PAPSS2: variants seen among roughly 807,000 people sequenced by gnomAD.
PAPSS2 encodes the protein bifunctional 3'-phosphoadenosine 5'-phosphosulfate synthase 2.
In PAPSS2, 61 loss-of-function variants were observed where a neutral mutation model predicts 66.5. The observed-to-expected ratio is 0.92, with a 90% CI of 0.75 to 1.14. The LOEUF (loss-of-function observed/expected upper bound fraction) is 1.14. PAPSS2 is among the 50% of genes most tolerant of loss of function. PAPSS2 has a pLI of 0.00. For missense variants in PAPSS2, 708 were observed against 789.6 expected (o/e 0.90, Z 1.24); for synonymous variants, 289 against 287.5 (o/e 1.01, Z -0.05).
rs145304776 is a variant in PAPSS2 at position 87,683,934 on chromosome 10, A to T, written c.27+23926A>T. Among the ~76,000 whole-genome samples, 61 of 152,120 alleles carry T rather than the reference A, an allele frequency of 4.0e-4. 1 individual carries two copies. Among genetic ancestry groups the T allele is most frequent in the African/African-American group, 1.3e-3 (55 of 41,414 alleles). On this transcript the variant is annotated intron_variant, in intron 1 of 12. Transcript: ENST00000456849. ...GGTCTTGAACTCCTGGCTTCAAGCG[A>T]TCCTCCCACCTTGGCCTCCCAAAAT... is the stretch of plus-strand genomic sequence containing the variant.
At chr10:87,705,747 T>C (rs969105124) in intron 1 of PAPSS2, among the ~76,000 whole-genome samples, 17 of 151,852 alleles carry the variant, frequency 1.1e-4, no homozygotes, top group Non-Finnish European at 2.4e-4. Flanking sequence ...CTTATTTTTT[T>C]TTTTGAGATG....
At chr10:87,718,991 T>C (rs1425997876) in intron 7 of PAPSS2, among the ~76,000 whole-genome samples, 1 of 152,188 alleles carries the variant, frequency 6.6e-6, no homozygotes, top group Non-Finnish European at 1.5e-5. Flanking sequence ...TTCTTTTCCC[T>C]GTGGGAATTA....
intron 1 of PAPSS2, among the ~76,000 whole-genome samples, chr10:87,688,443 T>TTTTATTTTATTTTTTTTATTTA (rs541821509): frequency 2.9e-5 from 4 of 138,080 alleles, no homozygotes; most frequent in African/African-American, 8.5e-5. Context: ...TTCTTTTTTA[T>TTTTATTTTATTTTTTTTATTTA]TTTATTTATT....
intron 9 of PAPSS2, among the ~76,000 whole-genome samples, chr10:87,738,443 C>T (rs1853827986): frequency 6.6e-6 from 1 of 151,224 alleles, no homozygotes; most frequent in African/African-American, 2.4e-5. Context: ...GTGTGTGTCT[C>T]TGTCACCCAG....
At position 87,721,749 on chromosome 10, in the gene PAPSS2, T is replaced by C; in HGVS notation, c.866-7T>C. ...AATGTTTCTTAATTGTGTTTATATT[T>C]CCCTAGGCATGGCCCTTCCTGGTAT... On this transcript the variant is annotated splice_polypyrimidine_tract_variant and splice_region_variant and intron_variant, in intron 7 of 12. Coordinates refer to ENST00000456849, the MANE Select transcript of PAPSS2 (RefSeq NM_001015880.2). 6.5e-7 allele frequency: 1 copy of C among 1,530,558 alleles called. No individual in the cohort carries two copies. The highest frequency in any genetic ancestry group is 8.9e-7 in the Non-Finnish European group (1 of 1,128,624). 94.8% of individuals were successfully genotyped at this position (1,530,558 alleles called of 1,614,324 possible).
chr10:87,737,921 G>C (rs574329034), intron 9 of PAPSS2, among the ~76,000 whole-genome samples: 1 of 152,160 alleles, frequency 6.6e-6, no homozygotes, highest in African/African-American at 2.4e-5. Context: ...CTATGAATTC[G>C]ACTAGAATTC....
chr10:87,660,701 G>A (rs7078594), intron 1 of PAPSS2, among the ~76,000 whole-genome samples: 40,395 of 150,742 alleles, frequency 0.27, 6,070 homozygotes, highest in African/African-American at 0.39. Flanking sequence ...ATATGAGGGC[G>A]TGTCAAAGAG....
intron 1 of PAPSS2, among the ~76,000 whole-genome samples, chr10:87,679,167 T>C (rs1326496259): frequency 2.0e-5 from 3 of 152,186 alleles, no homozygotes; most frequent in Non-Finnish European, 2.9e-5. Flanking sequence ...TTAAATGATA[T>C]AATCCAGGCA....
At chr10:87,733,436 C>T (rs1021003187) in intron 9 of PAPSS2, among the ~76,000 whole-genome samples, 1 of 152,312 alleles carries the variant, frequency 6.6e-6, no homozygotes, top group South Asian at 2.1e-4. Flanking sequence ...TTTCACAATG[C>T]TCTTGGTGAG....
intron 7 of PAPSS2, among the ~76,000 whole-genome samples, chr10:87,717,777 G>A (rs1468415369): frequency 6.6e-6 from 1 of 151,972 alleles, no homozygotes; most frequent in Non-Finnish European, 1.5e-5. Context: ...GTTGCCCAGG[G>A]ATAAGGTCTC....
In PAPSS2 at chr10:87,745,956, C is replaced by G. The variant is rs757822024; in HGVS notation, c.1846C>G (p.Leu616Val). Reference sequence around the variant, plus strand: ...GGTCCTGACAGATTATTACAGGTCCCTGGAGAAGAACTAAGCCTTTGGCTC... The same window carrying G: ...GGTCCTGACAGATTATTACAGGTCCGTGGAGAAGAACTAAGCCTTTGGCTC... ...WKVLTDYYRS[L>V]EKN The change falls in exon 13 of 13, where the codon CTG becomes GTG. Residue 616 changes from leucine (L) to valine (V), a missense_variant. Coordinates refer to ENST00000456849, the MANE Select transcript of PAPSS2 (RefSeq NM_001015880.2). 3.7e-6 allele frequency: 6 copies of G among 1,613,980 alleles called. No homozygotes were observed. In the East Asian group the frequency reaches 6.7e-5, roughly 18 times the overall value.
intron 8 of PAPSS2, among the ~76,000 whole-genome samples, chr10:87,722,867 C>T (rs1346732310): frequency 6.6e-6 from 1 of 152,208 alleles, no homozygotes; most frequent in African/African-American, 2.4e-5. Flanking sequence ...TATTACTTGG[C>T]AGAACTCCTT....
chr10:87,723,404 G>A (rs1853619511), intron 8 of PAPSS2, among the ~76,000 whole-genome samples: 1 of 151,038 alleles, frequency 6.6e-6, no homozygotes, highest in Admixed American at 6.7e-5. Flanking sequence ...GGAGATACAT[G>A]TCATTTATTA....
At chr10:87,696,066 A>C in intron 1 of PAPSS2, among the ~76,000 whole-genome samples, 1 of 151,850 alleles carries the variant, frequency 6.6e-6, no homozygotes, top group Admixed American at 6.6e-5. Flanking sequence ...GGGTGTGGAA[A>C]CCCCTCTCCT....
chr10:87,725,782 A>G (rs979848818), intron 8 of PAPSS2, among the ~76,000 whole-genome samples: 2 of 151,720 alleles, frequency 1.3e-5, no homozygotes, highest in Non-Finnish European at 2.9e-5. Context: ...TGCAGCCTCA[A>G]ACTCCTGGGC....
intron 1 of PAPSS2, among the ~76,000 whole-genome samples, chr10:87,708,731 C>A (rs1371621767): frequency 6.6e-6 from 1 of 152,110 alleles, no homozygotes; most frequent in Non-Finnish European, 1.5e-5. Context: ...GTGTTTGTTT[C>A]TAAATTAATA....
chr10:87,679,291 G>T (rs1168558628), intron 1 of PAPSS2, among the ~76,000 whole-genome samples: 1 of 152,098 alleles, frequency 6.6e-6, no homozygotes, highest in African/African-American at 2.4e-5. Context: ...TGGTTAGGGT[G>T]GGGAGATGAA....
At chr10:87,733,720 A>T (rs564558586) in intron 9 of PAPSS2, among the ~76,000 whole-genome samples, 1 of 152,148 alleles carries the variant, frequency 6.6e-6, no homozygotes, top group Non-Finnish European at 1.5e-5. Context: ...CGTGATTCTA[A>T]TGGGCTGTGA....
intron 1 of PAPSS2, among the ~76,000 whole-genome samples, chr10:87,695,444 A>T (rs1010806509): frequency 6.6e-6 from 1 of 152,200 alleles, no homozygotes; most frequent in African/African-American, 2.4e-5. Flanking sequence ...GCCTGTACAT[A>T]AAAAATGAGC....
Sources: allele counts gnomAD v4.1 joint callset (sites outside exome capture counted in the v4.1 genomes callset), GRCh38; gene constraint gnomAD v4.1.1; transcripts MANE v1.5; gene names NCBI Gene and HGNC (gene_info 2026-07-23, HGNC 2026-07-21).